The following AGAP1 variants were observed in gnomAD, a reference collection of about 807,000 sequenced individuals.
AGAP1 encodes the protein arf-GAP with GTPase, ANK repeat and PH domain-containing protein 1.
AGAP1 carries 29 observed loss-of-function variants against 105.3 expected under a neutral mutation model. The ratio of observed to expected loss-of-function variants is 0.28; its 90% CI spans 0.21 to 0.38. AGAP1 has a LOEUF of 0.38. Ranked by LOEUF, AGAP1 falls within the 10% of genes least tolerant of loss-of-function variation. The probability of loss-of-function intolerance (pLI) is 1.00; values close to 1 mark genes in which losing one functional copy is unlikely to be tolerated. For synonymous variants in AGAP1, 509 were observed against 485.9 expected, an observed-to-expected ratio of 1.05 and a Z score of -0.63; for missense variants, 998 against 1,165.1, an observed-to-expected ratio of 0.86 and a Z score of 2.09.
At chr2:235,523,467 G>A (rs1043896786) in intron 1 of AGAP1, among the ~76,000 whole-genome samples, 2 of 152,198 alleles carry the variant, frequency 1.3e-5, no homozygotes, top group Non-Finnish European at 2.9e-5. Flanking sequence ...CGGTGCCTGA[G>A]TCAAGGCCTA....
At chr2:236,018,406 A>G (rs1392388958) in intron 13 of AGAP1, among the ~76,000 whole-genome samples, 1 of 152,218 alleles carries the variant, frequency 6.6e-6, no homozygotes, top group African/African-American at 2.4e-5. Flanking sequence ...GTGCAGGAGG[A>G]AACTCGGGAG....
chr2:236,035,299 T>C lies in AGAP1; in HGVS notation c.1646-1262T>C, dbSNP rs2057346118. On this transcript the variant is annotated intron_variant, in intron 13 of 17. Transcript: ENST00000304032. This position sits in a 1 kb window ranked among gnomAD's most constrained non-coding sequence, Gnocchi z 4.2. ...GTTCACAGGCCAGGGCCCGGAAACA[T>C]TGAGTCAAATGAGATGTTGTGTCTG... Among the ~76,000 whole-genome samples the C allele has an allele frequency of 6.6e-6, 1 of 152,136 alleles. No individual in the cohort carries two copies. Among genetic ancestry groups the C allele is most frequent in the Admixed American group, 6.5e-5 (1 of 15,274 alleles).
Position 235,714,910 on chromosome 2 carries a change from G to T in AGAP1, c.223-2647G>T, listed in dbSNP as rs576858360. ...CCTCCTGGGTTCAGGCGATTCTCCT[G>T]CCTTAGCCTCCTGAGTAGCTGGGAC... On this transcript the variant is annotated intron_variant, in intron 2 of 17. Transcript: ENST00000304032. The surrounding 1 kb of genome is among the most constrained non-coding windows in gnomAD (Gnocchi z 4.1). 6.6e-6 allele frequency among the ~76,000 whole-genome samples: 1 copy of T among 152,254 alleles called. No individual in the cohort carries two copies. The highest frequency in any genetic ancestry group is 1.5e-5 in the Non-Finnish European group (1 of 68,012).
intron 11 of AGAP1, among the ~76,000 whole-genome samples, chr2:235,910,286 G>GGGCAGTCACTGAGCTGGTTC (rs2051537777): frequency 2.6e-4 from 2 of 7,680 alleles, no homozygotes; most frequent in Admixed American, 1.4e-3. Context: ...TGCCTGTGTT[G>GGGCAGTCACTGAGCTGGTTC]CAGGGGGGCG....
Position 235,631,224 on chromosome 2 carries a change from T to C in AGAP1, c.164-77955T>C, listed in dbSNP as rs1023282730. Reference sequence around the variant, plus strand: ...TCCTTCCAGTGGGTAAATGGCAAACTCGATAACTGGAATGCTGTCAGATCC... The same window carrying C: ...TCCTTCCAGTGGGTAAATGGCAAACCCGATAACTGGAATGCTGTCAGATCC... On this transcript the variant is annotated intron_variant, in intron 1 of 17. Transcript: ENST00000304032. This position sits in a 1 kb window ranked among gnomAD's most constrained non-coding sequence, Gnocchi z 5.4. 6.6e-6 allele frequency among the ~76,000 whole-genome samples: 1 copy of C among 152,092 alleles called. No homozygotes were observed. Among genetic ancestry groups the C allele is most frequent in the African/African-American group, 2.4e-5 (1 of 41,396 alleles).
At position 236,042,947 on chromosome 2, in the gene AGAP1, C is replaced by T. The variant is rs774306113; in HGVS notation, c.1891+2106C>T. Reference sequence around the variant, plus strand: ...CTAGTAGTTGGTGCCCCTGTGGGCCCCACTTAAAGGGGAGGAATTGAGGAG... The same window carrying T: ...CTAGTAGTTGGTGCCCCTGTGGGCCTCACTTAAAGGGGAGGAATTGAGGAG... On this transcript the variant is annotated intron_variant, in intron 15 of 17. Transcript: ENST00000304032. This position sits in a 1 kb window ranked among gnomAD's most constrained non-coding sequence, Gnocchi z 5.6. 1.3e-5 allele frequency among the ~76,000 whole-genome samples: 2 copies of T among 152,176 alleles called. No individual in the cohort carries two copies. Among genetic ancestry groups the T allele is most frequent in the Non-Finnish European group, 2.9e-5 (2 of 68,026 alleles).
In AGAP1 at chr2:235,612,304, C is replaced by G. The variant is rs899011281; in HGVS notation, c.164-96875C>G. 1.3e-5 allele frequency among the ~76,000 whole-genome samples: 2 copies of G among 152,086 alleles called. No individual in the cohort carries two copies. The highest frequency in any genetic ancestry group is 2.9e-5 in the Non-Finnish European group (2 of 68,032). On this transcript the variant is annotated intron_variant, in intron 1 of 17. Transcript: ENST00000304032. The surrounding 1 kb of genome is among the most constrained non-coding windows in gnomAD (Gnocchi z 4.3). ...TGAATTGATTGCACCCCTCCTGTGG[C>G]GTGGAGGCGGTGCCTGGTTAAAGTG...
At chr2:236,026,412 G>T (rs2057055528) in intron 13 of AGAP1, among the ~76,000 whole-genome samples, 1 of 152,200 alleles carries the variant, frequency 6.6e-6, no homozygotes, top group Admixed American at 6.5e-5. Context: ...TGACCTGATT[G>T]TGTGACTGGA....
At chr2:235,543,606 GT>G (rs1471220439) in intron 1 of AGAP1, among the ~76,000 whole-genome samples, 11 of 152,208 alleles carry the variant, frequency 7.2e-5, no homozygotes, top group South Asian at 4.1e-4. Context: ...GCCTGGAGCT[GT>G]GGCGCAGGTG....
chr2:235,601,938 T>A lies in AGAP1; in HGVS notation c.163+107089T>A, dbSNP rs1945744150. On this transcript the variant is annotated intron_variant, in intron 1 of 17. Transcript: ENST00000304032. This position sits in a 1 kb window ranked among gnomAD's most constrained non-coding sequence, Gnocchi z 4.4. ...GGCCTCCGTGCCCCATCCCAAAAGG[T>A]CCATTCTCAAAGGAGACTCCAGGGT... 6.6e-6 allele frequency among the ~76,000 whole-genome samples: 1 copy of A among 152,030 alleles called. No homozygotes were observed. The highest frequency in any genetic ancestry group is 2.1e-4 in the South Asian group (1 of 4,814).
Position 235,889,463 on chromosome 2 carries a change from G to A in AGAP1, c.1155+6014G>A, listed in dbSNP as rs569931514. 3.3e-5 allele frequency among the ~76,000 whole-genome samples: 5 copies of A among 152,068 alleles called. No individual in the cohort carries two copies. The highest frequency in any genetic ancestry group is 7.4e-5 in the Non-Finnish European group (5 of 68,022). ...TGACAAGGGACTTCAGCTGGGTGGT[G>A]GCCCTGGGATGTCACTTTCCTTCCC... On this transcript the variant is annotated intron_variant, in intron 10 of 17. Transcript: ENST00000304032. The surrounding 1 kb of genome is among the most constrained non-coding windows in gnomAD (Gnocchi z 4.6).
At chr2:235,999,619 G>GGTGGT in intron 13 of AGAP1, among the ~76,000 whole-genome samples, 1 of 150,020 alleles carries the variant, frequency 6.7e-6, no homozygotes, top group African/African-American at 2.4e-5. Flanking sequence ...TGGTGGTGAT[G>GGTGGT]ATGGTGGTAG....
At chr2:235,859,401 C>CTG (rs1356585169) in intron 9 of AGAP1, among the ~76,000 whole-genome samples, 1 of 84,162 alleles carries the variant, frequency 1.2e-5, no homozygotes, top group African/African-American at 3.6e-5. Context: ...CCTCCCCCCC[C>CTG]CCCCCCGCCT....
At chr2:235,524,556 C>A (rs1000175976) in intron 1 of AGAP1, 1 of 217,818 alleles carries the variant, frequency 4.6e-6, no homozygotes, top group Non-Finnish European at 1.1e-5. Context: ...ATAACCCCCA[C>A]CCCACTACTG....
intron 1 of AGAP1, among the ~76,000 whole-genome samples, chr2:235,656,288 C>G (rs904925151): frequency 6.6e-6 from 1 of 152,254 alleles, no homozygotes; most frequent in South Asian, 2.1e-4. Flanking sequence ...TTCAGAAGCA[C>G]GAGAACAAAC....
rs759488592 is a variant in AGAP1, at chr2:236,087,840, C to G, written c.2115-32352C>G. On this transcript the variant is annotated intron_variant, in intron 16 of 17. Coordinates refer to ENST00000304032, the MANE Select transcript of AGAP1 (RefSeq NM_001037131.3). The surrounding 1 kb of genome is among the most constrained non-coding windows in gnomAD (Gnocchi z 5.7). Reference sequence around the variant, plus strand: ...GAATGGGCTATGGGGAGGAATAGACCAGAGGTCTTTGCCAGGAGGAGACGT... The same window carrying G: ...GAATGGGCTATGGGGAGGAATAGACGAGAGGTCTTTGCCAGGAGGAGACGT... Among the ~76,000 whole-genome samples the G allele has an allele frequency of 8.3e-4, 127 of 152,104 alleles. 2 individuals are homozygous for G. The highest frequency in any genetic ancestry group is 3.5e-4 in the Non-Finnish European group (24 of 68,038).
intron 11 of AGAP1, among the ~76,000 whole-genome samples, chr2:235,928,253 C>G (rs959567226): frequency 6.6e-5 from 10 of 152,220 alleles, no homozygotes; most frequent in Non-Finnish European, 7.3e-5. Flanking sequence ...GCCAGGGAAG[C>G]CCCGGCAGCC....
Position 235,963,419 on chromosome 2 carries a change from A to G in AGAP1, c.1484-5043A>G, listed in dbSNP as rs1280303799. ...CTGCTTTGTGTGCACATAGAAAAGG[A>G]AACAGATGTATTTGAACAGAGGTAG... On this transcript the variant is annotated intron_variant, in intron 12 of 17. Transcript: ENST00000304032. The surrounding 1 kb of genome is among the most constrained non-coding windows in gnomAD (Gnocchi z 5.1). 6.6e-6 allele frequency among the ~76,000 whole-genome samples: 1 copy of G among 152,214 alleles called. No individual in the cohort carries two copies. The highest frequency in any genetic ancestry group is 2.4e-5 in the African/African-American group (1 of 41,462).
rs1421729304 is a variant in AGAP1, at chr2:235,875,625, T to G, written c.1051-7720T>G. Among the ~76,000 whole-genome samples, 1 of 152,152 alleles carries G rather than the reference T, an allele frequency of 6.6e-6. No homozygotes were observed. The highest frequency in any genetic ancestry group is 1.5e-5 in the Non-Finnish European group (1 of 68,036). ...CCCGGGCCTGTGGTGGAGTAGAGCT[T>G]CTCTCCCCAGCTTTCCCGGGAGTGT... On this transcript the variant is annotated intron_variant, in intron 9 of 17. Transcript: ENST00000304032. The surrounding 1 kb of genome is among the most constrained non-coding windows in gnomAD (Gnocchi z 4.0).
Sources: gnomAD v4.1 joint callset for allele counts (sites outside exome capture counted in the v4.1 genomes callset) on GRCh38, gnomAD v4.1.1 for gene constraint, Gnocchi (gnomAD v3.1) non-coding constraint, MANE v1.5 for transcripts, NCBI Gene and HGNC (gene_info 2026-07-23, HGNC 2026-07-21) for gene names.